ZNF573: variants seen among roughly 807,000 people sequenced by gnomAD.
ZNF573 encodes the protein zinc finger protein 573.
ZNF573 carries 41 observed loss-of-function variants against 57.4 expected under a neutral mutation model. That is an observed-to-expected ratio of 0.71 (90% CI 0.56 to 0.93). The LOEUF (loss-of-function observed/expected upper bound fraction) is 0.93, where lower values mean the gene tolerates loss of function less well. ZNF573 is among the 40% of genes least tolerant of loss of function. The probability of loss-of-function intolerance (pLI) is 0.00; values close to 1 mark genes in which losing one functional copy is unlikely to be tolerated. For missense variants in ZNF573, 730 were observed against 794.8 expected (o/e 0.92, Z 0.98); for synonymous variants, 249 against 261.0 (o/e 0.95, Z 0.44).
chr19:37,739,534 A>C lies in ZNF573; in HGVS notation c.956T>G (p.Val319Gly). 6.2e-7 allele frequency: 1 copy of C among 1,612,978 alleles called. No individual in the cohort carries two copies. Among genetic ancestry groups the C allele is most frequent in the Non-Finnish European group, 8.5e-7 (1 of 1,179,654 alleles). ...TTTACCAGTGTGAACTCTCTGATGT[A>C]CAGTAAGCTGGTGACCTCTTCTAAA... ...KAFRRGHQLT[V>G]HQRVHTGKKP... is the part of the protein sequence containing the mutation. Residue 319 changes from valine (V) to glycine (G), a missense_variant, in exon 5 of 5, where the codon GTA (valine) becomes GGA (glycine). Physicochemically the swap from Val to Gly is moderately radical, Grantham distance 109 (BLOSUM62 -3). Transcript: ENST00000536220.
At chr19:37,740,854 C>T (rs1440446037) in intron 4 of ZNF573, 1 of 272,724 alleles carries the variant, frequency 3.7e-6, no homozygotes, top group Admixed American at 5.0e-5. Context: ...CTATAAACAT[C>T]TTCCTGTATA....
intron 4 of ZNF573, among the ~76,000 whole-genome samples, chr19:37,740,402 G>C (rs1480419490): frequency 6.6e-6 from 1 of 152,216 alleles, no homozygotes; most frequent in Non-Finnish European, 1.5e-5. Flanking sequence ...TGAGGACATA[G>C]GTAACATTTA....
chr19:37,759,456 G>A (rs1283664279), intron 4 of ZNF573, among the ~76,000 whole-genome samples: 1 of 152,018 alleles, frequency 6.6e-6, no homozygotes, highest in African/African-American at 2.4e-5. Context: ...GACCAGGCGC[G>A]GTGGCTCACG....
Position 37,739,549 on chromosome 19 carries a change from C to G in ZNF573, c.941G>C (p.Gly314Ala), listed in dbSNP as rs760597198. Residue 314 changes from glycine to alanine, a missense_variant, in exon 5 of 5, where the codon GGT becomes GCT. By Grantham distance (60) the Gly-to-Ala change is moderately conservative (BLOSUM62 0). Coordinates refer to ENST00000536220, the MANE Select transcript of ZNF573 (RefSeq NM_001172690.2). ...CEKCGKAFRRGHQLTVHQRVH... is the reference protein window; with the variant it reads ...CEKCGKAFRRAHQLTVHQRVH... ...TCTCTGATGTACAGTAAGCTGGTGA[C>G]CTCTTCTAAAGGCCTTTCCACATTT... is the stretch of plus-strand genomic sequence containing the variant. The G allele has an allele frequency of 6.2e-7, 1 of 1,612,672 alleles. No individual in the cohort carries two copies. Among genetic ancestry groups the G allele is most frequent in the Non-Finnish European group, 8.5e-7 (1 of 1,179,582 alleles).
In ZNF573 at chr19:37,738,844, G is replaced by C; in HGVS notation, c.1646C>G (p.Thr549Ser). The change falls in exon 5 of 5, where the codon ACT (threonine) becomes AGT (serine). Residue 549 changes from threonine to serine, a missense_variant. By Grantham distance (58) the Thr-to-Ser change is moderately conservative. Transcript: ENST00000536220. ...RNLTLHQSIH[T>S]DEKPFECKEC... ...CTTACATTCAAAAGGTTTCTCATCA[G>C]TATGAATACTTTGATGTAGAGTAAG... is the stretch of plus-strand genomic sequence containing the variant. The C allele has an allele frequency of 6.2e-7, 1 of 1,612,774 alleles. No individual in the cohort carries two copies. The highest frequency in any genetic ancestry group is 8.5e-7 in the Non-Finnish European group (1 of 1,179,680).
At chr19:37,767,780 G>A (rs1324226967) in intron 4 of ZNF573, among the ~76,000 whole-genome samples, 1 of 152,186 alleles carries the variant, frequency 6.6e-6, no homozygotes, top group Non-Finnish European at 1.5e-5. Flanking sequence ...GCAAAAAATA[G>A]AATGGAAGAT....
intron 1 of ZNF573, among the ~76,000 whole-genome samples, chr19:37,778,073 G>A (rs1349375626): frequency 6.7e-6 from 1 of 148,304 alleles, no homozygotes; most frequent in Non-Finnish European, 1.5e-5. Flanking sequence ...GTCTCTTGAA[G>A]TAACTAATAC....
chr19:37,747,476 T>A (rs1404332321), intron 4 of ZNF573, among the ~76,000 whole-genome samples: 1 of 152,166 alleles, frequency 6.6e-6, no homozygotes, highest in African/African-American at 2.4e-5. Context: ...GATATTAAAC[T>A]CTATGGAATG....
rs2045285058 is a variant in ZNF573, at chr19:37,738,633, G to A, written c.1857C>T (p.Phe619=). 1 of 1,612,068 alleles carries A rather than the reference G, an allele frequency of 6.2e-7. No individual in the cohort carries two copies. The highest frequency in any genetic ancestry group is 2.2e-5 in the East Asian group (1 of 44,842). ...PYECKECGKA[F]SRASNLVQHE... is the part of the protein sequence containing the mutation. ...GTTGAACAAGGTTTGAAGCACGACTGAAGGCCTTCCCACATTCTTTACATT... is the reference window on the plus strand; with the variant it reads ...GTTGAACAAGGTTTGAAGCACGACTAAAGGCCTTCCCACATTCTTTACATT... The change falls in exon 5 of 5, where the codon TTC becomes TTT. Residue 619 remains phenylalanine (F), a synonymous_variant. Coordinates refer to ENST00000536220, the MANE Select transcript of ZNF573 (RefSeq NM_001172690.2).
chr19:37,741,489 A>G (rs1439851122), intron 4 of ZNF573, among the ~76,000 whole-genome samples: 3 of 152,132 alleles, frequency 2.0e-5, no homozygotes, highest in African/African-American at 7.2e-5. Context: ...ACCGTGATCA[A>G]GTTGGCTTCA....
intron 4 of ZNF573, among the ~76,000 whole-genome samples, chr19:37,757,532 T>A (rs1015083243): frequency 1.3e-5 from 2 of 152,070 alleles, no homozygotes; most frequent in Non-Finnish European, 2.9e-5. Context: ...CTCAGCCCCA[T>A]CCCAATTAGT....
chr19:37,740,095 T>C lies in ZNF573; in HGVS notation c.395A>G (p.Lys132Arg), dbSNP rs754861608. The C allele has an allele frequency of 1.2e-6, 2 of 1,614,072 alleles. No individual in the cohort carries two copies. Among genetic ancestry groups the C allele is most frequent in the East Asian group, 2.2e-5 (1 of 44,874 alleles). ...TQLQSIYKRE[K>R]LYECKKCQKK... The stretch of plus-strand genomic sequence containing the variant: ...CTGACATTTCTTACATTCATAGAGT[T>C]TCTCTCTCTTATATATGCTCTGAAG... The change falls in exon 5 of 5, where the codon AAA (lysine) becomes AGA (arginine). Residue 132 changes from lysine (K) to arginine (R), a missense_variant. Physicochemically the swap from Lys to Arg is conservative, Grantham distance 26. Transcript: ENST00000536220.
rs1568413432 is a variant in ZNF573, at chr19:37,738,749, G to A, written c.1741C>T (p.Pro581Ser). ...AHQSIHADKK[P>S]YECKECGKAF... is the part of the protein sequence containing the mutation. ...TTTCCACATTCTTTACATTCATAGG[G>A]TTTTTTATCAGCATGAATGCTCTGA... Residue 581 changes from proline (P) to serine (S), a missense_variant, in exon 5 of 5, where the codon CCC becomes TCC. Transcript: ENST00000536220. The A allele has an allele frequency of 6.2e-7, 1 of 1,613,908 alleles. No individual in the cohort carries two copies. The highest frequency in any genetic ancestry group is 1.3e-5 in the African/African-American group (1 of 75,002).
At chr19:37,772,980 G>T (rs1311010359) in intron 2 of ZNF573, 2 of 984,668 alleles carry the variant, frequency 2.0e-6, no homozygotes, top group African/African-American at 3.5e-5. Context: ...GTCTTCCCCA[G>T]TTCTGGAAAT....
chr19:37,758,199 T>TTAAAAAA (rs1555742418), intron 4 of ZNF573, among the ~76,000 whole-genome samples: 1 of 11,874 alleles, frequency 8.4e-5, no homozygotes, highest in African/African-American at 1.7e-4. Context: ...TAAAGTATAA[T>TTAAAAAA]AAAATATATA....
chr19:37,762,659 T>C (rs2045563398), intron 4 of ZNF573, among the ~76,000 whole-genome samples: 1 of 152,132 alleles, frequency 6.6e-6, no homozygotes, highest in African/African-American at 2.4e-5. Context: ...GAGAACACCA[T>C]ATTTAGGGTT....
At position 37,739,794 on chromosome 19, in the gene ZNF573, G is replaced by T. The variant is rs140728370; in HGVS notation, c.696C>A (p.His232Gln). ...TGTGAATTCTCTCATGTTGAACAAT[G>T]TGTGAGGCATATATAAAGGCCTTCC... ...QCGKAFIYAS[H>Q]IVQHERIHTG... is the part of the protein sequence containing the mutation. Residue 232 changes from histidine (H) to glutamine (Q), a missense_variant, in exon 5 of 5, where the codon CAC becomes CAA. Coordinates refer to ENST00000536220, the MANE Select transcript of ZNF573 (RefSeq NM_001172690.2). 9.9e-5 allele frequency: 159 copies of T among 1,613,688 alleles called. No individual in the cohort carries two copies. The African/African-American group carries it at 1.5e-3, about 16-fold the overall frequency.
intron 4 of ZNF573, among the ~76,000 whole-genome samples, chr19:37,766,934 T>G (rs1199539423): frequency 1.3e-5 from 2 of 152,256 alleles, no homozygotes; most frequent in Non-Finnish European, 2.9e-5. Flanking sequence ...TGCTCATAAC[T>G]GCACGCTGGC....
intron 4 of ZNF573, among the ~76,000 whole-genome samples, chr19:37,750,248 A>G (rs1407111337): frequency 1.3e-5 from 2 of 151,948 alleles, no homozygotes; most frequent in African/African-American, 4.8e-5. Context: ...ATGCCTCACT[A>G]ATTTTTCTAC....
Sources: gnomAD v4.1 joint callset for allele counts (sites outside exome capture counted in the v4.1 genomes callset) on GRCh38, gnomAD v4.1.1 for gene constraint, MANE v1.5 for transcripts, NCBI Gene and HGNC (gene_info 2026-07-23, HGNC 2026-07-21) for gene names.